The following CCDC148 variants were observed in gnomAD, a reference collection of about 807,000 sequenced individuals.
CCDC148 encodes the protein coiled-coil domain containing 148.
Under a neutral mutation model 85.7 loss-of-function variants are expected in CCDC148, and 89 were observed. That is an observed-to-expected ratio of 1.04 (90% CI 0.87 to 1.24). The LOEUF is 1.24. CCDC148 is among the 50% of genes most tolerant of loss of function. The pLI is 0.00. For synonymous variants in CCDC148, 230 were observed against 213.9 expected (o/e 1.08, Z -0.66); for missense variants, 692 against 671.7 (o/e 1.03, Z -0.33).
chr2:158,250,641 C>A, intron 10 of CCDC148, 131 bp downstream of exon 10: 4 of 1,281,116 alleles, frequency 3.1e-6, no homozygotes, highest in Non-Finnish European at 4.0e-6. Context: ...TTAGATAAAA[C>A]ATTCCACTAG....
At chr2:158,234,952 A>T (rs968291075) in intron 10 of CCDC148, among the ~76,000 whole-genome samples, 2 of 152,136 alleles carry the variant, frequency 1.3e-5, no homozygotes, top group African/African-American at 4.8e-5. Context: ...AAAATACTTT[A>T]TAATTACACA....
At chr2:158,404,527 CA>C (rs1438999078) in intron 1 of CCDC148, among the ~76,000 whole-genome samples, 3 of 152,104 alleles carry the variant, frequency 2.0e-5, no homozygotes, top group Admixed American at 6.6e-5. Flanking sequence ...TAAATTTAAA[CA>C]GTTCAAACTC....
At chr2:158,397,283 C>CA (rs1303960673) in intron 1 of CCDC148, among the ~76,000 whole-genome samples, 1 of 152,042 alleles carries the variant, frequency 6.6e-6, no homozygotes, top group Non-Finnish European at 1.5e-5. Flanking sequence ...GAGAACACTA[C>CA]AAAGATAATC....
At chr2:158,225,445 C>G (rs1393862025) in intron 10 of CCDC148, among the ~76,000 whole-genome samples, 1 of 152,064 alleles carries the variant, frequency 6.6e-6, no homozygotes, top group Non-Finnish European at 1.5e-5. Context: ...CAGCTCTGCA[C>G]CAAGCAGAAC....
rs113470752 is a variant in CCDC148, at chr2:158,452,261, A to G, written c.25+4154T>C. Among the ~76,000 whole-genome samples the G allele has an allele frequency of 2.7e-3, 404 of 152,300 alleles. 1 individual carries two copies. Among genetic ancestry groups the G allele is most frequent in the African/African-American group, 9.3e-3 (386 of 41,560 alleles). The stretch of plus-strand genomic sequence containing the variant: ...AAAGGGGGTATGGGGCTTCCTGTGG[A>G]GAACAGGGGTGAGGGGGGAAGTTAG... On this transcript the variant is annotated intron_variant, in intron 1 of 13. Coordinates refer to ENST00000283233, the MANE Select transcript of CCDC148 (RefSeq NM_138803.4).
chr2:158,224,047 T>C (rs1298856868), intron 10 of CCDC148, among the ~76,000 whole-genome samples: 9 of 151,954 alleles, frequency 5.9e-5, no homozygotes, highest in Non-Finnish European at 1.0e-4. Flanking sequence ...GTTCGAACCA[T>C]GGCAAACAAG....
chr2:158,176,250 A>C (rs1039215917), intron 13 of CCDC148, among the ~76,000 whole-genome samples: 23 of 152,098 alleles, frequency 1.5e-4, no homozygotes, highest in Admixed American at 1.2e-3. Flanking sequence ...AAATTTTATA[A>C]AGCATTTTTA....
chr2:158,399,530 T>G (rs987624090), intron 1 of CCDC148, among the ~76,000 whole-genome samples: 1 of 152,082 alleles, frequency 6.6e-6, no homozygotes, highest in South Asian at 2.1e-4. Context: ...AAAAAACACA[T>G]GATTATCTCA....
chr2:158,390,643 A>T (rs1421645735), intron 1 of CCDC148, among the ~76,000 whole-genome samples: 3 of 152,174 alleles, frequency 2.0e-5, no homozygotes, highest in Non-Finnish European at 2.9e-5. Context: ...GTCATAAGCT[A>T]TGTTTCCCAC....
At chr2:158,367,407 T>G (rs564442724) in intron 1 of CCDC148, among the ~76,000 whole-genome samples, 1 of 152,276 alleles carries the variant, frequency 6.6e-6, no homozygotes, top group East Asian at 1.9e-4. Flanking sequence ...TGGTTAGTTG[T>G]GTAGTTTTCT....
At chr2:158,244,501 C>G (rs903421149) in intron 10 of CCDC148, among the ~76,000 whole-genome samples, 3 of 152,112 alleles carry the variant, frequency 2.0e-5, no homozygotes, top group African/African-American at 7.2e-5. Context: ...GGCCTGTAGG[C>G]TATAGGTCCC....
intron 11 of CCDC148, among the ~76,000 whole-genome samples, chr2:158,179,513 T>C (rs955414): frequency 0.064 from 9,668 of 152,056 alleles, 319 homozygotes; most frequent in African/African-American, 0.074. Flanking sequence ...TCATTCCTCA[T>C]TGAAATCACT....
intron 11 of CCDC148, among the ~76,000 whole-genome samples, chr2:158,196,844 T>C (rs1685699683): frequency 6.6e-6 from 1 of 152,196 alleles, no homozygotes; most frequent in African/African-American, 2.4e-5. Flanking sequence ...TTCATATCTG[T>C]ATGTACTAGA....
At chr2:158,192,568 A>C (rs529167844) in intron 11 of CCDC148, among the ~76,000 whole-genome samples, 115 of 152,180 alleles carry the variant, frequency 7.6e-4, no homozygotes, top group African/African-American at 2.6e-3. Context: ...AACAAAGGAC[A>C]CCAAGAGGTG....
At chr2:158,373,713 C>T (rs1684541537) in intron 1 of CCDC148, among the ~76,000 whole-genome samples, 1 of 152,016 alleles carries the variant, frequency 6.6e-6, no homozygotes, top group Admixed American at 6.6e-5. Flanking sequence ...CAGGCCTCTG[C>T]AGAGAGACCA....
chr2:158,311,277 C>T (rs914144089), intron 8 of CCDC148, among the ~76,000 whole-genome samples: 6 of 152,210 alleles, frequency 3.9e-5, no homozygotes, highest in African/African-American at 1.4e-4. Flanking sequence ...GGAGACCAGC[C>T]CGGCCAACAC....
At chr2:158,189,284 C>A (rs1443854326) in intron 11 of CCDC148, among the ~76,000 whole-genome samples, 2 of 151,756 alleles carry the variant, frequency 1.3e-5, no homozygotes, top group East Asian at 1.9e-4. Flanking sequence ...CCCTTTTCTG[C>A]CTAAGCTAGT....
chr2:158,328,799 G>A (rs1692932052), intron 7 of CCDC148, among the ~76,000 whole-genome samples: 2 of 152,192 alleles, frequency 1.3e-5, no homozygotes, highest in Admixed American at 6.5e-5. Flanking sequence ...TCTGCTGACT[G>A]CATAAATGTC....
At chr2:158,253,963 C>T (rs1211153741) in intron 9 of CCDC148, among the ~76,000 whole-genome samples, 1 of 151,558 alleles carries the variant, frequency 6.6e-6, no homozygotes, top group East Asian at 1.9e-4. Context: ...TCTAGACCTA[C>T]CTATCAGGTT....
Sources: allele counts gnomAD v4.1 joint callset (sites outside exome capture counted in the v4.1 genomes callset), GRCh38; gene constraint gnomAD v4.1.1; transcripts MANE v1.5; gene names NCBI Gene and HGNC (gene_info 2026-07-23, HGNC 2026-07-21).